The following BTAF1 variants were observed in gnomAD, a reference collection of about 807,000 sequenced individuals.
BTAF1 encodes TATA-binding protein-associated factor 172.
In BTAF1, 38 loss-of-function variants were observed where a neutral mutation model predicts 227.1. That is an observed-to-expected ratio of 0.17 (90% confidence interval 0.13 to 0.22). The LOEUF (loss-of-function observed/expected upper bound fraction) is 0.22. Ranked by LOEUF, BTAF1 falls within the 10% of genes least tolerant of loss-of-function variation. The probability of loss-of-function intolerance (pLI) is 1.00; values close to 1 mark genes in which losing one functional copy is unlikely to be tolerated. For missense variants in BTAF1, 1,598 were observed against 2,204.0 expected (o/e 0.73, Z 5.51); for synonymous variants, 742 against 751.9 (o/e 0.99, Z 0.21).
rs1589961541 is a variant in BTAF1 at position 92,011,205 on chromosome 10, T to TTA, written c.4181+55_4181+56insTA. The stretch of plus-strand genomic sequence containing the variant: ...TAATATCAAATTTGAAGACTCTTAA[T>TTA]ATTTTCCCACTTTAAAGATTCTTCA... On this transcript the variant is annotated intron_variant, in intron 29 of 37. Transcript: ENST00000265990. 27 of 1,519,396 alleles carry TTA rather than the reference T, an allele frequency of 1.8e-5. No homozygotes were observed. The East Asian group carries it at 6.4e-4, about 36-fold the overall frequency. The allele number at this position is 1,519,396 out of a possible 1,614,324, so 94.1% of individuals were successfully genotyped here.
rs77993575 is a variant in BTAF1 at position 91,992,332 on chromosome 10, T to A, written c.3045+23T>A. On this transcript the variant is annotated intron_variant, in intron 21 of 37. Transcript: ENST00000265990. Reference sequence around the variant, plus strand: ...GAGGTAAGTAGTTTTTTTTTTTTTTTAATGCTTTGATTTTTAAACAAATAT... The same window carrying A: ...GAGGTAAGTAGTTTTTTTTTTTTTTAAATGCTTTGATTTTTAAACAAATAT... 1.6e-5 allele frequency: 21 copies of A among 1,292,862 alleles called. No homozygotes were observed. In the East Asian group the frequency reaches 3.9e-4, roughly 24 times the overall value. 80.1% of individuals were successfully genotyped at this position (1,292,862 alleles called of 1,614,324 possible). A position where few individuals can be genotyped will look rare whatever the true frequency, so the allele number is the denominator to read the frequency against.
intron 25 of BTAF1, among the ~76,000 whole-genome samples, chr10:92,004,681 G>A (rs969160028): frequency 1.3e-5 from 2 of 151,826 alleles, no homozygotes; most frequent in African/African-American, 4.8e-5. Flanking sequence ...GTTTACCCCG[G>A]GCTGGTCTTA....
intron 6 of BTAF1, among the ~76,000 whole-genome samples, chr10:91,954,666 T>C (rs1427368938): frequency 6.6e-6 from 1 of 152,062 alleles, no homozygotes; most frequent in East Asian, 1.9e-4. Context: ...CAAGCAATCC[T>C]CCTGCCTCAG....
At chr10:91,989,679 A>G in intron 20 of BTAF1, 99 bp downstream of exon 20, 1 of 1,188,748 alleles carries the variant, frequency 8.4e-7, no homozygotes, top group Non-Finnish European at 1.2e-6. Flanking sequence ...AGTTCATGTT[A>G]GTGTTTTTTC....
intron 28 of BTAF1, among the ~76,000 whole-genome samples, chr10:92,009,605 G>T (rs1333748408): frequency 6.6e-6 from 1 of 152,196 alleles, no homozygotes. Context: ...GGAGGCTGAG[G>T]CAGGAGGATT....
intron 1 of BTAF1, among the ~76,000 whole-genome samples, chr10:91,933,642 A>G (rs994579743): frequency 3.3e-5 from 5 of 152,180 alleles, no homozygotes; most frequent in Admixed American, 2.6e-4. Flanking sequence ...GTAAAAAACT[A>G]TTGGATTTGG....
intron 13 of BTAF1, among the ~76,000 whole-genome samples, chr10:91,964,652 T>G (rs1402911922): frequency 6.6e-6 from 1 of 152,148 alleles, no homozygotes; most frequent in East Asian, 1.9e-4. Flanking sequence ...TTTCAGTAAT[T>G]ACTTATCATG....
At chr10:92,003,201 G>T (rs973458835) in intron 25 of BTAF1, among the ~76,000 whole-genome samples, 1 of 150,812 alleles carries the variant, frequency 6.6e-6, no homozygotes, top group South Asian at 2.1e-4. Context: ...GTTTTGAAAC[G>T]TATCAGACCA....
At chr10:92,003,268 A>G (rs1387768714) in intron 25 of BTAF1, among the ~76,000 whole-genome samples, 1 of 152,138 alleles carries the variant, frequency 6.6e-6, no homozygotes, top group South Asian at 2.1e-4. Flanking sequence ...CCATTTAATT[A>G]AGTTTTAATC....
chr10:91,981,945 T>C, intron 16 of BTAF1, 138 bp from the exon 17 acceptor site: 1 of 1,339,240 alleles, frequency 7.5e-7, no homozygotes, highest in Non-Finnish European at 1.0e-6. Flanking sequence ...ACAAAATGAA[T>C]AGTAATGTTT....
At chr10:92,012,991 A>G (rs1850475778) in intron 30 of BTAF1, among the ~76,000 whole-genome samples, 2 of 152,128 alleles carry the variant, frequency 1.3e-5, no homozygotes, top group Admixed American at 1.3e-4. Flanking sequence ...TCTTCCTTAC[A>G]AAAGCCATGG....
chr10:92,011,829 G>T (rs1404089986), intron 30 of BTAF1, among the ~76,000 whole-genome samples: 1 of 152,220 alleles, frequency 6.6e-6, no homozygotes, highest in East Asian at 1.9e-4. Flanking sequence ...GCAAGCGATT[G>T]TAGAAGTTTA....
At chr10:91,956,905 G>C (rs554413701) in intron 7 of BTAF1, among the ~76,000 whole-genome samples, 1 of 152,076 alleles carries the variant, frequency 6.6e-6, no homozygotes, top group South Asian at 2.1e-4. Context: ...TAGGAGAATC[G>C]CTTGAACCCG....
chr10:91,966,576 T>C lies in BTAF1; in HGVS notation c.1530-61T>C, dbSNP rs1846933383. On this transcript the variant is annotated intron_variant, in intron 13 of 37. Transcript: ENST00000265990. The stretch of plus-strand genomic sequence containing the variant: ...ACTAGATCCCATGAGAATATTTAGA[T>C]AATGTATCTACAGAGTTACAACTTA... 21 of 1,545,906 alleles carry C rather than the reference T, an allele frequency of 1.4e-5. No homozygotes were observed. In the South Asian group the frequency reaches 2.3e-4, roughly 17 times the overall value.
At position 91,989,378 on chromosome 10, in the gene BTAF1, A is replaced by C. The variant is rs772105394; in HGVS notation, c.2652A>C (p.Thr884=). Reference sequence around the variant, plus strand: ...CTATCATAAAACCATTAATGGAGACAATTAAAAAAGAAGAGAATACACTAG... The same window carrying C: ...CTATCATAAAACCATTAATGGAGACCATTAAAAAAGAAGAGAATACACTAG... ...LNPIIKPLME[T]IKKEENTLVQ... is the part of the protein sequence containing the mutation. The change falls in exon 20 of 38, where the codon ACA becomes ACC. Residue 884 remains threonine (T), a synonymous_variant. Transcript: ENST00000265990. 6.2e-7 allele frequency: 1 copy of C among 1,614,198 alleles called. No individual in the cohort carries two copies. Among genetic ancestry groups the C allele is most frequent in the Non-Finnish European group, 8.5e-7 (1 of 1,180,042 alleles).
chr10:91,960,860 T>C (rs1333403711), intron 11 of BTAF1, among the ~76,000 whole-genome samples: 1 of 152,148 alleles, frequency 6.6e-6, no homozygotes, highest in African/African-American at 2.4e-5. Flanking sequence ...CCTTAGTGGG[T>C]TATTAAAAAC....
Position 92,031,111 on chromosome 10 carries a change from C to G in BTAF1, c.*2178C>G, listed in dbSNP as rs1428510409. Among the ~76,000 whole-genome samples the G allele has an allele frequency of 6.6e-6, 1 of 152,124 alleles. No individual in the cohort carries two copies. The highest frequency in any genetic ancestry group is 1.5e-5 in the Non-Finnish European group (1 of 68,016). On this transcript the variant is annotated 3_prime_UTR_variant, in exon 38 of 38. Coordinates refer to ENST00000265990, the MANE Select transcript of BTAF1 (RefSeq NM_003972.3). ...ATTGGGTTCATAGATATCCATTGTA[C>G]TACTTCCCTTGGTTTTTGTGTCTTT...
At position 91,953,745 on chromosome 10, in the gene BTAF1, G is replaced by T; in HGVS notation, c.573G>T (p.Gln191His). 1 of 1,613,628 alleles carries T rather than the reference G, an allele frequency of 6.2e-7. No individual in the cohort carries two copies. Among genetic ancestry groups the T allele is most frequent in the Non-Finnish European group, 8.5e-7 (1 of 1,179,846 alleles). Residue 191 changes from glutamine to histidine, a missense_variant, in exon 6 of 38, where the codon CAG (glutamine) becomes CAT (histidine). By Grantham distance (24) the Gln-to-His change is conservative (BLOSUM62 0). Transcript: ENST00000265990. ...ASFVNKQPTLQAAELIDSEFR... is the reference protein window; with the variant it reads ...ASFVNKQPTLHAAELIDSEFR... ...TTCTTTTATTCTTTTAGACTCTTCA[G>T]GCAGCTGAATTGATTGACTCAGAGT...
rs769880830 is a variant in BTAF1 at position 91,956,769 on chromosome 10, T to G, written c.831+112T>G. On this transcript the variant is annotated intron_variant, in intron 7 of 37. Coordinates refer to ENST00000265990, the MANE Select transcript of BTAF1 (RefSeq NM_003972.3). Reference sequence around the variant, plus strand: ...CTTTGGGAGGTCGAGGCGGGCGTTATCACGAGGTCAGGAGCTTGAGACCAG... The same window carrying G: ...CTTTGGGAGGTCGAGGCGGGCGTTAGCACGAGGTCAGGAGCTTGAGACCAG... 3.1e-5 allele frequency: 36 copies of G among 1,176,326 alleles called. No individual in the cohort carries two copies. In the Admixed American group the frequency reaches 3.9e-4, roughly 13 times the overall value. 72.9% of individuals were successfully genotyped at this position (1,176,326 alleles called of 1,614,324 possible).
Sources: gnomAD v4.1 joint callset for allele counts (sites outside exome capture counted in the v4.1 genomes callset) on GRCh38, gnomAD v4.1.1 for gene constraint, MANE v1.5 for transcripts, NCBI Gene and HGNC (gene_info 2026-07-23, HGNC 2026-07-21) for gene names.